Variants in PRRC2A observed in about 807,000 individuals in gnomAD.
PRRC2A encodes protein PRRC2A.
Under a neutral mutation model 224.6 loss-of-function variants are expected in PRRC2A, and 59 were observed. That is an observed-to-expected ratio of 0.26 (90% CI 0.21 to 0.33). The LOEUF (loss-of-function observed/expected upper bound fraction) is 0.33, where lower values mean the gene tolerates loss of function less well. PRRC2A is among the 10% of genes least tolerant of loss of function. The pLI is 1.00. For synonymous variants in PRRC2A, 1,194 were observed against 1,109.5 expected, an observed-to-expected ratio of 1.08 and a Z score of -1.51; for missense variants, 3,095 against 2,880.7, an observed-to-expected ratio of 1.07 and a Z score of -1.70.
In PRRC2A at chr6:31,634,282, C is replaced by T; in HGVS notation, c.4766C>T (p.Pro1589Leu). The T allele has an allele frequency of 6.2e-7, 1 of 1,605,160 alleles. No individual in the cohort carries two copies. The highest frequency in any genetic ancestry group is 8.5e-7 in the Non-Finnish European group (1 of 1,178,202). ...AGCTCTGGATTCTTGGGCTCTAAGCCTGAGGGCCCAGGCCCTCAGGCAGAG... is the reference window on the plus strand; with the variant it reads ...AGCTCTGGATTCTTGGGCTCTAAGCTTGAGGGCCCAGGCCCTCAGGCAGAG... Reference protein sequence around the residue: ...PHSSGFLGSKPEGPGPQAESR... With the variant: ...PHSSGFLGSKLEGPGPQAESR... The change falls in exon 19 of 31, where the codon CCT becomes CTT. Residue 1589 changes from proline (P) to leucine (L), a missense_variant. Around this residue, in one of 8 missense-constraint regions of PRRC2A, gnomAD observed 2,001 missense variants for 1,764.9 expected, o/e 1.13. Transcript: ENST00000376033.
intron 30 of PRRC2A, 25 bp downstream of exon 30, chr6:31,637,349 C>T: frequency 3.1e-6 from 5 of 1,604,652 alleles, no homozygotes; most frequent in Non-Finnish European, 4.3e-6. Flanking sequence ...CTTGTGGCCC[C>T]AACTCTAAAT....
chr6:31,637,300 C>A lies in PRRC2A; in HGVS notation c.6309C>A (p.Thr2103=), dbSNP rs1397089310. 6.2e-7 allele frequency: 1 copy of A among 1,612,396 alleles called. No individual in the cohort carries two copies. The highest frequency in any genetic ancestry group is 8.5e-7 in the Non-Finnish European group (1 of 1,179,406). The change falls in exon 30 of 31, where the codon ACC becomes ACA. Residue 2103 remains threonine, a synonymous_variant. Transcript: ENST00000376033. Reference sequence around the variant, plus strand: ...CCACCTACAGTGGAGTCTTCCGCACCCAGCGCGTCGACCTTTACCAGCAGG... The same window carrying A: ...CCACCTACAGTGGAGTCTTCCGCACACAGCGCGTCGACCTTTACCAGCAGG... ...TPSTYSGVFR[T]QRVDLYQQAS...
chr6:31,631,756 G>A lies in PRRC2A; in HGVS notation c.3083G>A (p.Arg1028Gln), dbSNP rs1020594053. 1.2e-5 allele frequency: 19 copies of A among 1,542,504 alleles called. No individual in the cohort carries two copies. The highest frequency in any genetic ancestry group is 1.4e-5 in the African/African-American group (1 of 72,806). Reference sequence around the variant, plus strand: ...CCTACCTCTTGCCGGGGTCGGGGCCGAGGCGAGTATTTTGCCAGAGGGAGG... The same window carrying A: ...CCTACCTCTTGCCGGGGTCGGGGCCAAGGCGAGTATTTTGCCAGAGGGAGG... ...VGPTSCRGRG[R>Q]GEYFARGRGF... Residue 1028 changes from arginine to glutamine, a missense_variant, in exon 16 of 31, where the codon CGA becomes CAA. Around this residue, in one of 8 missense-constraint regions of PRRC2A, gnomAD observed 2,001 missense variants for 1,764.9 expected, o/e 1.13. Coordinates refer to ENST00000376033, the MANE Select transcript of PRRC2A (RefSeq NM_004638.4). This position sits in a 1 kb window ranked among gnomAD's most constrained non-coding sequence, Gnocchi z 4.5.
At chr6:31,637,365 T>C in intron 30 of PRRC2A, 41 bp downstream of exon 30, 2 of 1,601,526 alleles carry the variant, frequency 1.2e-6, no homozygotes, top group Middle Eastern at 3.3e-4. Flanking sequence ...TAAATTCGAG[T>C]TGCCACCTGA....
At chr6:31,634,129 C>T (rs148665332) in intron 18 of PRRC2A, 107 bp from the exon 19 acceptor site, 12 of 1,564,060 alleles carry the variant, frequency 7.7e-6, no homozygotes, top group African/African-American at 1.4e-5. Flanking sequence ...TCCCATGTGT[C>T]TCCCTTGTTG....
intron 2 of PRRC2A, chr6:31,623,259 A>ATTTTTTTTT (rs3993756): frequency 9.3e-6 from 3 of 324,214 alleles, no homozygotes; most frequent in African/African-American, 4.0e-5. Flanking sequence ...GATTTCATAG[A>ATTTTTTTTT]TTTTTTTTTT....
chr6:31,620,953 G>A (rs975873130), intron 1 of PRRC2A, 95 bp downstream of exon 1: 3 of 156,522 alleles, frequency 1.9e-5, no homozygotes, highest in East Asian at 3.8e-4. Context: ...GGTGGGCCGG[G>A]GGGAGGAGAA....
Position 31,636,855 on chromosome 6 carries a change from C to T in PRRC2A, c.6057C>T (p.Pro2019=), listed in dbSNP as rs768142388. ...CTGTGGGCCCTGCTCTGCAGCCCCC[C>T]AGCCTGGCTGTGCGGCCCCCACCTG... ...LLPVGPALQP[P]SLAVRPPPAP... Residue 2019 remains proline (P), a synonymous_variant, in exon 28 of 31, where the codon CCC becomes CCT. Coordinates refer to ENST00000376033, the MANE Select transcript of PRRC2A (RefSeq NM_004638.4). This position sits in a 1 kb window ranked among gnomAD's most constrained non-coding sequence, Gnocchi z 4.3. 1.2e-6 allele frequency: 2 copies of T among 1,612,738 alleles called. No homozygotes were observed. The highest frequency in any genetic ancestry group is 1.1e-5 in the South Asian group (1 of 91,086).
chr6:31,626,391 CA>C (rs909048603), intron 9 of PRRC2A, among the ~76,000 whole-genome samples: 133 of 139,732 alleles, frequency 9.5e-4, no homozygotes, highest in Middle Eastern at 3.8e-3. Flanking sequence ...CCCACCTCTA[CA>C]AAAAAAAAAA....
Position 31,627,615 on chromosome 6 carries a change from G to A in PRRC2A, c.1291-150G>A, listed in dbSNP as rs1776059558. On this transcript the variant is annotated intron_variant, in intron 11 of 30. Transcript: ENST00000376033. The surrounding 1 kb of genome is among the most constrained non-coding windows in gnomAD (Gnocchi z 5.6). ...AAGACGTGGTCTCAAAGAAGACCAG[G>A]ATAATGAGTTTGTCACCACCCAGAG... 4 of 1,016,536 alleles carry A rather than the reference G, an allele frequency of 3.9e-6. No homozygotes were observed. The highest frequency in any genetic ancestry group is 1.6e-5 in the African/African-American group (1 of 61,436). 63.0% of individuals were successfully genotyped at this position (1,016,536 alleles called of 1,614,324 possible). A position where few individuals can be genotyped will look rare whatever the true frequency, so the allele number is the denominator to read the frequency against.
rs964490731 is a variant in PRRC2A, at chr6:31,625,725, C to G, written c.760-67C>G. 3.2e-6 allele frequency: 5 copies of G among 1,569,092 alleles called. No homozygotes were observed. The African/African-American group carries it at 6.8e-5, about 21-fold the overall frequency. ...GGGAGGGTGGGAGGATGATTGATAG[C>G]AGGCTTAAGGAGCTAGAAGGGTATA... is the stretch of plus-strand genomic sequence containing the variant. On this transcript the variant is annotated intron_variant, in intron 7 of 30. Transcript: ENST00000376033. This position sits in a 1 kb window ranked among gnomAD's most constrained non-coding sequence, Gnocchi z 4.1.
chr6:31,635,704 G>A lies in PRRC2A; in HGVS notation c.5496G>A (p.Leu1832=). ...AGCCCAGCTCCTCAGGCCAGCGCCT[G>A]TATCCTGAGGTTTTCTATGGCAGTG... ...VPEPSSSGQR[L]YPEVFYGSAG... The change falls in exon 24 of 31, where the codon CTG becomes CTA. Residue 1832 remains leucine (L), a synonymous_variant. Coordinates refer to ENST00000376033, the MANE Select transcript of PRRC2A (RefSeq NM_004638.4). 1 of 1,608,802 alleles carries A rather than the reference G, an allele frequency of 6.2e-7. No homozygotes were observed. The highest frequency in any genetic ancestry group is 8.5e-7 in the Non-Finnish European group (1 of 1,177,786).
At position 31,631,372 on chromosome 6, in the gene PRRC2A, G is replaced by A. The variant is rs773615650; in HGVS notation, c.2699G>A (p.Arg900Gln). 26 of 1,604,312 alleles carry A rather than the reference G, an allele frequency of 1.6e-5. No individual in the cohort carries two copies. The highest frequency in any genetic ancestry group is 7.8e-5 in the South Asian group (7 of 90,166). The change falls in exon 16 of 31, where the codon CGA (arginine) becomes CAA (glutamine). Residue 900 changes from arginine (R) to glutamine (Q), a missense_variant. Transcript: ENST00000376033. The surrounding 1 kb of genome is among the most constrained non-coding windows in gnomAD (Gnocchi z 4.5). ...CAGCTGACGGGGCCAGAAGCAGGCCGAAAGCCTGCCCGCGGAGTCGGGAGT... is the reference window on the plus strand; with the variant it reads ...CAGCTGACGGGGCCAGAAGCAGGCCAAAAGCCTGCCCGCGGAGTCGGGAGT... Reference protein sequence around the residue: ...TAQLTGPEAGRKPARGVGSGG... With the variant: ...TAQLTGPEAGQKPARGVGSGG...
rs764953949 is a variant in PRRC2A at position 31,635,394 on chromosome 6, G to A, written c.5302G>A (p.Asp1768Asn). 1.9e-6 allele frequency: 3 copies of A among 1,614,142 alleles called. No individual in the cohort carries two copies. The highest frequency in any genetic ancestry group is 2.5e-6 in the Non-Finnish European group (3 of 1,180,050). The stretch of plus-strand genomic sequence containing the variant: ...GTCTCCTGCCTTCTTGTGATCACAG[G>A]ACTCAGACTTACGCCTAGTGGTAGG... ...PPVQFGTSDK[D>N]SDLRLVVGDS... The change falls in exon 23 of 31, where the codon GAC becomes AAC. Residue 1768 changes from aspartate (D) to asparagine (N), a missense_variant and splice_region_variant. Asp to Asn is a conservative substitution (Grantham distance 23, BLOSUM62 1). Coordinates refer to ENST00000376033, the MANE Select transcript of PRRC2A (RefSeq NM_004638.4).
At position 31,625,483 on chromosome 6, in the gene PRRC2A, G is replaced by A; in HGVS notation, c.631G>A (p.Gly211Ser). ...PQNSTTWRDG[G>S]GRGPDELEGP... Reference sequence around the variant, plus strand: ...AGATTCTACAACTTGGAGGGACGGAGGTGGGCGTGGCCCTGATGAGCTGGA... The same window carrying A: ...AGATTCTACAACTTGGAGGGACGGAAGTGGGCGTGGCCCTGATGAGCTGGA... The change falls in exon 7 of 31, where the codon GGT becomes AGT. Residue 211 changes from glycine to serine, a missense_variant. Gly to Ser is a moderately conservative substitution (Grantham distance 56, BLOSUM62 0). Transcript: ENST00000376033. The surrounding 1 kb of genome is among the most constrained non-coding windows in gnomAD (Gnocchi z 4.1). 1.9e-6 allele frequency: 3 copies of A among 1,590,962 alleles called. No individual in the cohort carries two copies. The highest frequency in any genetic ancestry group is 2.6e-6 in the Non-Finnish European group (3 of 1,164,826).
At position 31,637,723 on chromosome 6, in the gene PRRC2A, C is replaced by G. The variant is rs1392553142; in HGVS notation, c.*137C>G. On this transcript the variant is annotated 3_prime_UTR_variant, in exon 31 of 31. Transcript: ENST00000376033. ...TCCCCCTTCCCCTGGTCCCCTGTCCCTGGGGCTGTTTGTTAAAAAAGAGTA... is the reference window on the plus strand; with the variant it reads ...TCCCCCTTCCCCTGGTCCCCTGTCCGTGGGGCTGTTTGTTAAAAAAGAGTA... The G allele has an allele frequency of 2.0e-6, 1 of 488,500 alleles. No individual in the cohort carries two copies. Among genetic ancestry groups the G allele is most frequent in the Non-Finnish European group, 3.5e-6 (1 of 288,464 alleles). 30.3% of individuals were successfully genotyped at this position (488,500 alleles called of 1,614,324 possible).
chr6:31,635,783 G>T, intron 24 of PRRC2A, 34 bp downstream of exon 24: 1 of 1,547,340 alleles, frequency 6.5e-7, no homozygotes, highest in Non-Finnish European at 8.7e-7. Context: ...GACCCCTTCA[G>T]TGAATAATAA....
Position 31,631,701 on chromosome 6 carries a change from C to A in PRRC2A, c.3028C>A (p.Arg1010=). The stretch of plus-strand genomic sequence containing the variant: ...AAATCTTTCCCCTGCCCCAAGGCTT[C>A]GGAGGGACTATTCGTATGAAAGAGT... ...NGNLSPAPRL[R]RDYSYERVGP... The change falls in exon 16 of 31, where the codon CGG becomes AGG. Residue 1010 remains arginine, a synonymous_variant. Transcript: ENST00000376033. The surrounding 1 kb of genome is among the most constrained non-coding windows in gnomAD (Gnocchi z 4.5). 6.6e-7 allele frequency: 1 copy of A among 1,516,378 alleles called. No individual in the cohort carries two copies. Among genetic ancestry groups the A allele is most frequent in the Non-Finnish European group, 8.8e-7 (1 of 1,133,782 alleles). The allele number at this position is 1,516,378 out of a possible 1,614,324, so 93.9% of individuals were successfully genotyped here.
chr6:31,629,314 C>T lies in PRRC2A; in HGVS notation c.1936C>T (p.Arg646Cys), dbSNP rs756593722. The T allele has an allele frequency of 3.8e-6, 6 of 1,568,370 alleles. No homozygotes were observed. The highest frequency in any genetic ancestry group is 1.9e-5 in the Admixed American group (1 of 51,300). The change falls in exon 13 of 31, where the codon CGT becomes TGT. Residue 646 changes from arginine to cysteine, a missense_variant. Around this residue, in one of 8 missense-constraint regions of PRRC2A, gnomAD observed 2,001 missense variants for 1,764.9 expected, o/e 1.13. Transcript: ENST00000376033. Reference sequence around the variant, plus strand: ...CAAATATCAGAAGTCGTTGCCTCCTCGTTTCCAGCGGCAGCAGCAGGTGAA... The same window carrying T: ...CAAATATCAGAAGTCGTTGCCTCCTTGTTTCCAGCGGCAGCAGCAGGTGAA... The part of the protein sequence containing the change: ...YPKYQKSLPP[R>C]FQRQQQEQLL...
Sources: gnomAD v4.1 joint callset for allele counts (sites outside exome capture counted in the v4.1 genomes callset) on GRCh38, gnomAD v4.1.1 for gene constraint, gnomAD v4.1.1 regional missense constraint, Gnocchi (gnomAD v3.1) non-coding constraint, MANE v1.5 for transcripts, NCBI Gene and HGNC (gene_info 2026-07-23, HGNC 2026-07-21) for gene names.